STPG2: variants seen among roughly 807,000 people sequenced by gnomAD.
STPG2 encodes sperm-tail PG-rich repeat-containing protein 2.
Under a neutral mutation model 54.2 loss-of-function variants are expected in STPG2, and 56 were observed. That is an observed-to-expected ratio of 1.03 (90% CI 0.83 to 1.29). The LOEUF (loss-of-function observed/expected upper bound fraction) is 1.29, where lower values mean the gene tolerates loss of function less well. Ranked by LOEUF, STPG2 falls within the 50% of genes most tolerant of loss-of-function variation. The pLI is 0.00. For synonymous variants in STPG2, 200 were observed against 181.8 expected, an observed-to-expected ratio of 1.10 and a Z score of -0.81; for missense variants, 596 against 544.9, an observed-to-expected ratio of 1.09 and a Z score of -0.93.
chr4:97,961,857 T>C (rs1733902285), intron 7 of STPG2, among the ~76,000 whole-genome samples: 5 of 152,122 alleles, frequency 3.3e-5, no homozygotes, highest in Admixed American at 2.6e-4. Context: ...CCACTACTGG[T>C]TATCTACCCA....
At chr4:97,890,965 T>C (rs1179871772) in intron 8 of STPG2, among the ~76,000 whole-genome samples, 1 of 151,802 alleles carries the variant, frequency 6.6e-6, no homozygotes, top group South Asian at 2.1e-4. Flanking sequence ...TAATACTGAC[T>C]CTTGAAAAAA....
intron 9 of STPG2, among the ~76,000 whole-genome samples, chr4:97,744,509 T>C (rs1046459565): frequency 1.3e-5 from 2 of 151,308 alleles, no homozygotes; most frequent in Non-Finnish European, 3.0e-5. Context: ...TTTTAATTGG[T>C]TTTGCTTACT....
chr4:97,445,108 G>A (rs1050260648), intron 4 of STPG2, among the ~76,000 whole-genome samples: 1 of 152,064 alleles, frequency 6.6e-6, no homozygotes, highest in African/African-American at 2.4e-5. Flanking sequence ...AATTGAAAAT[G>A]ATAAAAATAA....
intron 8 of STPG2, among the ~76,000 whole-genome samples, chr4:97,911,189 G>A (rs977602438): frequency 3.9e-5 from 6 of 152,260 alleles, no homozygotes; most frequent in African/African-American, 1.2e-4. Context: ...AGGGCCTTGG[G>A]TGAAAAGCAC....
At chr4:98,073,272 C>G (rs1346387276) in intron 5 of STPG2, among the ~76,000 whole-genome samples, 1 of 152,050 alleles carries the variant, frequency 6.6e-6, no homozygotes, top group Non-Finnish European at 1.5e-5. Context: ...GTCTAATACA[C>G]AGATTCTAAC....
At chr4:97,811,636 A>T (rs1286553165) in intron 9 of STPG2, among the ~76,000 whole-genome samples, 1 of 152,114 alleles carries the variant, frequency 6.6e-6, no homozygotes, top group Non-Finnish European at 1.5e-5. Flanking sequence ...CACTTCTAAA[A>T]AGCTGAATTT....
At chr4:98,101,114 A>G (rs2110136070) in intron 5 of STPG2, among the ~76,000 whole-genome samples, 1 of 152,090 alleles carries the variant, frequency 6.6e-6, no homozygotes, top group South Asian at 2.1e-4. Context: ...GGCCTACCAG[A>G]TTTTTTCTTT....
intron 3 of STPG2, among the ~76,000 whole-genome samples, chr4:98,123,141 T>C (rs562065007): frequency 2.6e-5 from 4 of 151,998 alleles, no homozygotes; most frequent in Non-Finnish European, 4.4e-5. Context: ...TTTCAAAAAA[T>C]AGCTTCTGGG....
At chr4:97,737,416 C>A (rs1270103050) in intron 9 of STPG2, among the ~76,000 whole-genome samples, 2 of 152,122 alleles carry the variant, frequency 1.3e-5, no homozygotes, top group Admixed American at 6.5e-5. Flanking sequence ...CTACTCCGAG[C>A]TACAGGAGGA....
chr4:97,668,660 G>C (rs1178811860), intron 10 of STPG2, among the ~76,000 whole-genome samples: 1 of 135,286 alleles, frequency 7.4e-6, no homozygotes, highest in Non-Finnish European at 1.6e-5. Flanking sequence ...AAGGAGGAAG[G>C]AAAGAAGGGA....
chr4:97,465,225 C>T (rs1578320463), intron 4 of STPG2, among the ~76,000 whole-genome samples: 1 of 152,156 alleles, frequency 6.6e-6, no homozygotes, highest in South Asian at 2.1e-4. Flanking sequence ...CCAATGGCTT[C>T]AACTCCTGAT....
chr4:97,964,600 C>T (rs1734021290), intron 7 of STPG2, among the ~76,000 whole-genome samples: 1 of 151,820 alleles, frequency 6.6e-6, no homozygotes, highest in Admixed American at 6.6e-5. Flanking sequence ...TATAAGAATC[C>T]CACAAATATA....
At chr4:97,887,508 A>C (rs921802281) in intron 8 of STPG2, among the ~76,000 whole-genome samples, 2 of 152,210 alleles carry the variant, frequency 1.3e-5, no homozygotes, top group Admixed American at 6.5e-5. Context: ...TATCTAACAG[A>C]AGAAATTTCT....
intron 8 of STPG2, among the ~76,000 whole-genome samples, chr4:97,886,113 ATCT>A (rs939612080): frequency 1.6e-4 from 24 of 152,322 alleles, no homozygotes; most frequent in African/African-American, 5.1e-4. Context: ...ATTCAACAAA[ATCT>A]TCTTGAGGAA....
chr4:97,891,663 C>T (rs771644924), intron 8 of STPG2, among the ~76,000 whole-genome samples: 16 of 151,758 alleles, frequency 1.1e-4, no homozygotes, highest in Non-Finnish European at 1.8e-4. Context: ...CATTTTCCTA[C>T]AAGTAGAAAA....
intron 8 of STPG2, among the ~76,000 whole-genome samples, chr4:97,926,236 C>A (rs1018442849): frequency 6.6e-6 from 1 of 152,076 alleles, no homozygotes; most frequent in African/African-American, 2.4e-5. Flanking sequence ...ATTTCTAGAC[C>A]CAAGTCTGTG....
At chr4:97,915,728 A>G (rs2149204163) in intron 8 of STPG2, among the ~76,000 whole-genome samples, 1 of 152,250 alleles carries the variant, frequency 6.6e-6, no homozygotes, top group African/African-American at 2.4e-5. Context: ...GGAATTGTGG[A>G]CCATAAGGCT....
At chr4:97,978,150 C>T (rs1183816435) in intron 6 of STPG2, among the ~76,000 whole-genome samples, 1 of 152,048 alleles carries the variant, frequency 6.6e-6, no homozygotes, top group East Asian at 1.9e-4. Flanking sequence ...CCATTTGACC[C>T]AGCAATTCCA....
Position 98,019,768 on chromosome 4 carries a change from T to C in STPG2, c.613-38450A>G, listed in dbSNP as rs78746612. Among the ~76,000 whole-genome samples, 41 of 122,294 alleles carry C rather than the reference T, an allele frequency of 3.4e-4. 6 individuals are homozygous for C. Among genetic ancestry groups the C allele is most frequent in the Non-Finnish European group, 6.5e-4 (36 of 55,780 alleles). The allele number at this position is 122,294 out of a possible 152,430, so 80.2% of individuals were successfully genotyped here. ...AGGTGGATTCCTAGGTATTTTATTCTCTTTGAAGCAATTGTGAATGGGAGT... is the reference window on the plus strand; with the variant it reads ...AGGTGGATTCCTAGGTATTTTATTCCCTTTGAAGCAATTGTGAATGGGAGT... On this transcript the variant is annotated intron_variant, in intron 5 of 10. Coordinates refer to ENST00000295268, the MANE Select transcript of STPG2 (RefSeq NM_174952.3).
Sources: allele counts gnomAD v4.1 joint callset (sites outside exome capture counted in the v4.1 genomes callset), GRCh38; gene constraint gnomAD v4.1.1; transcripts MANE v1.5; gene names NCBI Gene and HGNC (gene_info 2026-07-23, HGNC 2026-07-21).